SLC35F1: variants seen among roughly 807,000 people sequenced by gnomAD.
SLC35F1 encodes the protein chromosome 6 open reading frame 169.
Under a neutral mutation model 48.7 loss-of-function variants are expected in SLC35F1, and 14 were observed. The observed-to-expected ratio is 0.29, with a 90% CI of 0.19 to 0.45. The LOEUF is 0.45. SLC35F1 is among the 20% of genes least tolerant of loss of function. The pLI, the probability that SLC35F1 is intolerant of heterozygous loss-of-function variation, is 1.00. For missense variants in SLC35F1, 404 were observed against 500.0 expected (o/e 0.81, Z 1.83); for synonymous variants, 190 against 202.2 (o/e 0.94, Z 0.51).
chr6:118,232,729 C>A (rs1489218639), intron 2 of SLC35F1, among the ~76,000 whole-genome samples: 1 of 151,838 alleles, frequency 6.6e-6, no homozygotes, highest in Non-Finnish European at 1.5e-5. Flanking sequence ...GGCCCAGAGA[C>A]AAGAGAAAGC....
chr6:117,954,230 C>G (rs1437153061), intron 1 of SLC35F1, among the ~76,000 whole-genome samples: 1 of 152,054 alleles, frequency 6.6e-6, no homozygotes, highest in Non-Finnish European at 1.5e-5. Flanking sequence ...AATATGGTGA[C>G]CAAGAAGACA....
chr6:118,303,984 TGC>T, intron 7 of SLC35F1, among the ~76,000 whole-genome samples: 1 of 152,220 alleles, frequency 6.6e-6, no homozygotes, highest in South Asian at 2.1e-4. Flanking sequence ...TAAGCACATC[TGC>T]AAACACTCTT....
At chr6:118,001,940 G>C (rs1192170760) in intron 1 of SLC35F1, among the ~76,000 whole-genome samples, 1 of 149,362 alleles carries the variant, frequency 6.7e-6, no homozygotes, top group Admixed American at 6.7e-5. Context: ...TCATTAAAAA[G>C]TCAGGAAACA....
At chr6:117,947,167 A>G (rs1268774140) in intron 1 of SLC35F1, among the ~76,000 whole-genome samples, 1 of 152,290 alleles carries the variant, frequency 6.6e-6, no homozygotes, top group East Asian at 1.9e-4. Context: ...GTGACTTTTG[A>G]GTAAAGACTG....
chr6:118,214,816 C>G (rs529573396), intron 2 of SLC35F1, among the ~76,000 whole-genome samples: 3 of 152,118 alleles, frequency 2.0e-5, no homozygotes, highest in Non-Finnish European at 4.4e-5. Context: ...AACACTGTCT[C>G]TCAATGAGAC....
At chr6:118,240,930 A>G (rs1020413535) in intron 3 of SLC35F1, among the ~76,000 whole-genome samples, 23 of 152,178 alleles carry the variant, frequency 1.5e-4, no homozygotes, top group Non-Finnish European at 2.8e-4. Flanking sequence ...GGCCATTTCA[A>G]GTGTTTGGGT....
chr6:118,078,962 T>C (rs1396929519), intron 1 of SLC35F1, among the ~76,000 whole-genome samples: 2 of 152,222 alleles, frequency 1.3e-5, no homozygotes, highest in South Asian at 2.1e-4. Flanking sequence ...CATCTTTAGA[T>C]ACCGTGTAGC....
chr6:118,217,910 A>C lies in SLC35F1; in HGVS notation c.350-17599A>C, dbSNP rs1414950081. Among the ~76,000 whole-genome samples, 9 of 152,168 alleles carry C rather than the reference A, an allele frequency of 5.9e-5. No individual in the cohort carries two copies. In the East Asian group the frequency reaches 1.7e-3, roughly 29 times the overall value. On this transcript the variant is annotated intron_variant, in intron 2 of 7. Transcript: ENST00000360388. ...ATTTATCCATTTACCTGATAATGCC[A>C]GCCACATGCTTAGGGCATCATGAAG...
At chr6:118,288,108 A>G (rs1221731070) in intron 7 of SLC35F1, among the ~76,000 whole-genome samples, 1 of 151,858 alleles carries the variant, frequency 6.6e-6, no homozygotes, top group Non-Finnish European at 1.5e-5. Context: ...CATAGTAGTC[A>G]TTTCTTCTAG....
chr6:118,142,929 A>G (rs1318984310), intron 1 of SLC35F1, among the ~76,000 whole-genome samples: 1 of 152,154 alleles, frequency 6.6e-6, no homozygotes, highest in Admixed American at 6.6e-5. Flanking sequence ...GTCTTCTAAA[A>G]TGAGGCATAA....
chr6:118,082,833 C>A (rs1383334810), intron 1 of SLC35F1, among the ~76,000 whole-genome samples: 1 of 152,166 alleles, frequency 6.6e-6, no homozygotes, highest in Admixed American at 6.5e-5. Context: ...TAGTCCAAAT[C>A]TCAGGGAAAG....
chr6:118,001,916 A>G (rs1257502881), intron 1 of SLC35F1, among the ~76,000 whole-genome samples: 1 of 150,740 alleles, frequency 6.6e-6, no homozygotes, highest in East Asian at 1.9e-4. Context: ...ATCTCACACC[A>G]GTTAGAATGG....
At chr6:117,956,231 T>C (rs529120572) in intron 1 of SLC35F1, among the ~76,000 whole-genome samples, 2 of 152,214 alleles carry the variant, frequency 1.3e-5, no homozygotes, top group Admixed American at 1.3e-4. Context: ...GGCTTAGGAG[T>C]GGGGCAGGGT....
intron 1 of SLC35F1, among the ~76,000 whole-genome samples, chr6:118,097,431 G>A (rs1186174780): frequency 6.6e-6 from 1 of 152,164 alleles, no homozygotes; most frequent in Non-Finnish European, 1.5e-5. Flanking sequence ...CTGAGCCAGA[G>A]CATTAAAGGC....
At chr6:117,963,316 A>C (rs1776520653) in intron 1 of SLC35F1, among the ~76,000 whole-genome samples, 1 of 151,284 alleles carries the variant, frequency 6.6e-6, no homozygotes, top group Admixed American at 6.6e-5. Flanking sequence ...AATAGTAAAT[A>C]CTTAGTGATT....
intron 1 of SLC35F1, among the ~76,000 whole-genome samples, chr6:118,103,918 A>T (rs1773294001): frequency 1.3e-5 from 2 of 152,202 alleles, no homozygotes; most frequent in Non-Finnish European, 2.9e-5. Flanking sequence ...CAGAGTTTGC[A>T]GTAGGTTACT....
chr6:118,251,636 A>G (rs568189845), intron 3 of SLC35F1, among the ~76,000 whole-genome samples: 1 of 152,286 alleles, frequency 6.6e-6, no homozygotes, highest in East Asian at 1.9e-4. Context: ...CCCTTGCATG[A>G]TCTGATCTTT....
chr6:118,084,256 A>G (rs1054852144), intron 1 of SLC35F1, among the ~76,000 whole-genome samples: 1 of 151,978 alleles, frequency 6.6e-6, no homozygotes, highest in East Asian at 1.9e-4. Context: ...TTTAAGTTTA[A>G]ACTTGTTAAA....
intron 2 of SLC35F1, among the ~76,000 whole-genome samples, chr6:118,163,939 C>T (rs562394524): frequency 1.3e-5 from 2 of 152,232 alleles, no homozygotes; most frequent in Non-Finnish European, 2.9e-5. Context: ...GACACTATTG[C>T]AGTCTACTGC....
Sources: allele counts gnomAD v4.1 joint callset (sites outside exome capture counted in the v4.1 genomes callset), GRCh38; gene constraint gnomAD v4.1.1; transcripts MANE v1.5; gene names NCBI Gene and HGNC (gene_info 2026-07-23, HGNC 2026-07-21).